The following FAM135B variants were observed in gnomAD, a reference collection of about 807,000 sequenced individuals.
The protein encoded by FAM135B is family with sequence similarity 135 member B.
FAM135B carries 43 observed loss-of-function variants against 127.7 expected under a neutral mutation model. The observed-to-expected ratio is 0.34, with a 90% CI of 0.26 to 0.43. The LOEUF is 0.43. Among genes scored for constraint, FAM135B ranks in the 20% least tolerant of loss-of-function variants. The pLI is 1.00. For synonymous variants in FAM135B, 670 were observed against 665.1 expected (o/e 1.01, Z -0.11); for missense variants, 1,558 against 1,725.6 (o/e 0.90, Z 1.72).
chr8:138,463,702 G>A (rs1490202960), intron 1 of FAM135B, among the ~76,000 whole-genome samples: 1 of 152,170 alleles, frequency 6.6e-6, no homozygotes, highest in Non-Finnish European at 1.5e-5. Flanking sequence ...CCTCTTTCAG[G>A]GAGGGAGTTA....
At chr8:138,426,058 T>C (rs1182501147) in intron 1 of FAM135B, among the ~76,000 whole-genome samples, 1 of 75,352 alleles carries the variant, frequency 1.3e-5, no homozygotes, top group Non-Finnish European at 2.2e-5. Flanking sequence ...CACATATATA[T>C]ATACACACAC....
At position 138,425,446 on chromosome 8, in the gene FAM135B, C is replaced by T. The variant is rs552180900; in HGVS notation, c.-19-57444G>A. ...AGTAAGGCTTCTCACCAATAAGATGCGGTTGCGAAGGGAGTGGGGACAGAA... is the reference window on the plus strand; with the variant it reads ...AGTAAGGCTTCTCACCAATAAGATGTGGTTGCGAAGGGAGTGGGGACAGAA... On this transcript the variant is annotated intron_variant, in intron 1 of 19. Coordinates refer to ENST00000395297, the MANE Select transcript of FAM135B (RefSeq NM_015912.4). 11 of 152,234 alleles carry T rather than the reference C, an allele frequency of 7.2e-5. No homozygotes were observed. The South Asian group carries it at 8.3e-4, about 12-fold the overall frequency. 9.4% of individuals were successfully genotyped at this position (152,234 alleles called of 1,614,324 possible). A position where few individuals can be genotyped will look rare whatever the true frequency, so the allele number is the denominator to read the frequency against.
At chr8:138,424,990 A>C (rs1834758418) in intron 1 of FAM135B, among the ~76,000 whole-genome samples, 1 of 152,134 alleles carries the variant, frequency 6.6e-6, no homozygotes, top group South Asian at 2.1e-4. Context: ...GAGCCAGCCA[A>C]CTCCATTGAT....
intron 1 of FAM135B, among the ~76,000 whole-genome samples, chr8:138,406,359 A>C (rs537133430): frequency 1.3e-5 from 2 of 152,278 alleles, no homozygotes; most frequent in South Asian, 4.1e-4. Flanking sequence ...ATTCCTTCTG[A>C]AACTATTCCA....
chr8:138,363,427 T>C (rs1448887639), intron 2 of FAM135B, among the ~76,000 whole-genome samples: 1 of 152,136 alleles, frequency 6.6e-6, no homozygotes, highest in African/African-American at 2.4e-5. Context: ...TGGCAGACCA[T>C]GGCTTCAAAT....
At chr8:138,363,975 T>G (rs1340091541) in intron 2 of FAM135B, among the ~76,000 whole-genome samples, 1 of 152,114 alleles carries the variant, frequency 6.6e-6, no homozygotes, top group Non-Finnish European at 1.5e-5. Flanking sequence ...CCAAAGACCT[T>G]GTAGAGCACA....
At chr8:138,342,230 T>C (rs1052569887) in intron 2 of FAM135B, among the ~76,000 whole-genome samples, 1 of 152,200 alleles carries the variant, frequency 6.6e-6, no homozygotes, top group Non-Finnish European at 1.5e-5. Context: ...AGAACCATGA[T>C]TCAATTCTAG....
intron 11 of FAM135B, among the ~76,000 whole-genome samples, chr8:138,168,921 C>T (rs1280696934): frequency 6.6e-6 from 1 of 152,152 alleles, no homozygotes; most frequent in African/African-American, 2.4e-5. Context: ...CTGTCCATCA[C>T]TCTTGTTGGA....
At chr8:138,226,103 T>C (rs1344231515) in intron 7 of FAM135B, among the ~76,000 whole-genome samples, 2 of 151,130 alleles carry the variant, frequency 1.3e-5, no homozygotes, top group East Asian at 3.9e-4. Context: ...AATTAGCAGA[T>C]AAAGTACCTT....
chr8:138,252,932 T>G (rs1441097416), intron 5 of FAM135B, among the ~76,000 whole-genome samples: 6 of 152,146 alleles, frequency 3.9e-5, no homozygotes, highest in Non-Finnish European at 8.8e-5. Flanking sequence ...CCCAAGTAGC[T>G]GGGATTACAA....
At position 138,255,221 on chromosome 8, in the gene FAM135B, G is replaced by C. The variant is rs377538552; in HGVS notation, c.368+1468C>G. 9.9e-5 allele frequency among the ~76,000 whole-genome samples: 15 copies of C among 152,122 alleles called. No homozygotes were observed. The East Asian group carries it at 2.7e-3, about 28-fold the overall frequency. On this transcript the variant is annotated intron_variant, in intron 5 of 19. Coordinates refer to ENST00000395297, the MANE Select transcript of FAM135B (RefSeq NM_015912.4). ...AGTCTGAACTTTGAAGGGATAAAGG[G>C]AACAGTTCTGCCAGCATTGGCTCAT...
At chr8:138,304,470 T>C (rs905286511) in intron 3 of FAM135B, among the ~76,000 whole-genome samples, 2 of 152,100 alleles carry the variant, frequency 1.3e-5, no homozygotes, top group African/African-American at 4.8e-5. Flanking sequence ...GGACGTTCAG[T>C]TGAGTAACTA....
chr8:138,493,190 C>G (rs1380241578), intron 1 of FAM135B, among the ~76,000 whole-genome samples: 1 of 152,092 alleles, frequency 6.6e-6, no homozygotes, highest in Non-Finnish European at 1.5e-5. Flanking sequence ...TTCTGAGCAC[C>G]CAGTGTCTGG....
At chr8:138,383,655 G>GT (rs577094379) in intron 1 of FAM135B, among the ~76,000 whole-genome samples, 36 of 152,260 alleles carry the variant, frequency 2.4e-4, no homozygotes, top group Non-Finnish European at 4.7e-4. Context: ...AAAGAACATC[G>GT]TTTTTTGTGT....
At chr8:138,385,650 A>C (rs1832154467) in intron 1 of FAM135B, among the ~76,000 whole-genome samples, 1 of 151,852 alleles carries the variant, frequency 6.6e-6, no homozygotes, top group African/African-American at 2.4e-5. Context: ...GTGTCTACTA[A>C]AAAACACAAA....
At chr8:138,137,749 C>A (rs1816785145) in intron 18 of FAM135B, among the ~76,000 whole-genome samples, 1 of 152,170 alleles carries the variant, frequency 6.6e-6, no homozygotes, top group Admixed American at 6.5e-5. Context: ...AGCCTCAGAA[C>A]TCACCTCTCT....
chr8:138,318,263 T>G (rs535548410), intron 2 of FAM135B, among the ~76,000 whole-genome samples: 10 of 152,314 alleles, frequency 6.6e-5, no homozygotes, highest in African/African-American at 2.4e-4. Context: ...TTTCAGTAAT[T>G]TCATGAAGAA....
chr8:138,225,872 A>C (rs1244947955), intron 7 of FAM135B, among the ~76,000 whole-genome samples: 1 of 152,142 alleles, frequency 6.6e-6, no homozygotes, highest in African/African-American at 2.4e-5. Context: ...GTGGTGGTGC[A>C]TGGTTCCTGT....
rs141867415 is a variant in FAM135B at position 138,480,593 on chromosome 8, G to GA, written c.-20+16077dup. ...AATAAAGAATATATGAGAGAAATAGGAAAAAATGAGAGAGGTTCAGTGGAA... is the reference window on the plus strand; with the variant it reads ...AATAAAGAATATATGAGAGAAATAGGAAAAAAATGAGAGAGGTTCAGTGGAA... On this transcript the variant is annotated intron_variant, in intron 1 of 19. Transcript: ENST00000395297. Among the ~76,000 whole-genome samples the GA allele has an allele frequency of 2.1e-3, 317 of 152,092 alleles. 6 individuals carry two copies. In the East Asian group the frequency reaches 0.051, roughly 25 times the overall value.
Sources: gnomAD v4.1 joint callset for allele counts (sites outside exome capture counted in the v4.1 genomes callset) on GRCh38, gnomAD v4.1.1 for gene constraint, MANE v1.5 for transcripts, NCBI Gene and HGNC (gene_info 2026-07-23, HGNC 2026-07-21) for gene names.